Variants in SLC16A7 observed in about 807,000 individuals in gnomAD.
SLC16A7 encodes solute carrier family 16 member 7.
In SLC16A7, 33 loss-of-function variants were observed where a neutral mutation model predicts 34.9. That is an observed-to-expected ratio of 0.94 (90% CI 0.72 to 1.26). SLC16A7 has a LOEUF of 1.26. SLC16A7 is among the 50% of genes most tolerant of loss of function. The probability of loss-of-function intolerance (pLI) is 0.00; values close to 1 mark genes in which losing one functional copy is unlikely to be tolerated. For synonymous variants in SLC16A7, 201 were observed against 206.6 expected (o/e 0.97, Z 0.23); for missense variants, 573 against 578.1 (o/e 0.99, Z 0.09).
chr12:59,764,940 G>A (rs906307131), intron 3 of SLC16A7, among the ~76,000 whole-genome samples: 1 of 152,170 alleles, frequency 6.6e-6, no homozygotes, highest in Non-Finnish European at 1.5e-5. Flanking sequence ...CTAGTTTACA[G>A]TCCCACCAAC....
At position 59,596,909 on chromosome 12, in the gene SLC16A7, G is replaced by T. The variant is rs890653257; in HGVS notation, c.-130+673G>T. ...TATATGCGGGCGAGGCCTGAGCCCAGGCAGAAAGGGACCTCTGACTTGGCA... is the reference window on the plus strand; with the variant it reads ...TATATGCGGGCGAGGCCTGAGCCCATGCAGAAAGGGACCTCTGACTTGGCA... On this transcript the variant is annotated intron_variant, in intron 1 of 5. Coordinates refer to ENST00000547379, the MANE Select transcript of SLC16A7 (RefSeq NM_001270623.2). The surrounding 1 kb of genome is among the most constrained non-coding windows in gnomAD (Gnocchi z 5.0). The T allele has an allele frequency of 6.6e-6, 1 of 152,376 alleles. No homozygotes were observed. The highest frequency in any genetic ancestry group is 2.4e-5 in the African/African-American group (1 of 41,466). 9.4% of individuals were successfully genotyped at this position (152,376 alleles called of 1,614,324 possible).
At chr12:59,604,464 C>T (rs751897456) in intron 1 of SLC16A7, among the ~76,000 whole-genome samples, 1 of 152,140 alleles carries the variant, frequency 6.6e-6, no homozygotes, top group Non-Finnish European at 1.5e-5. Flanking sequence ...AGTAAAACAA[C>T]AAACATGTCT....
At chr12:59,758,558 T>C (rs566469843) in intron 3 of SLC16A7, among the ~76,000 whole-genome samples, 195 of 151,988 alleles carry the variant, frequency 1.3e-3, no homozygotes, top group African/African-American at 4.3e-3. Flanking sequence ...AATATTGATG[T>C]AAAAAAATAA....
rs113532305 is a variant in SLC16A7, at chr12:59,683,067, G to GA, written c.-30-21695dup. Among the ~76,000 whole-genome samples, 53 of 148,880 alleles carry GA rather than the reference G, an allele frequency of 3.6e-4. 1 individual carries two copies. The East Asian group carries it at 3.7e-3, about 10-fold the overall frequency. ...GGCAACAAGAGTGAAACTCTGTCTT[G>GA]AAAAAAAAAATTGCATATTGACATA... On this transcript the variant is annotated intron_variant, in intron 2 of 5. Coordinates refer to ENST00000547379, the MANE Select transcript of SLC16A7 (RefSeq NM_001270623.2).
chr12:59,614,707 G>T (rs117556700), intron 1 of SLC16A7, among the ~76,000 whole-genome samples: 3,030 of 150,904 alleles, frequency 0.02, 57 homozygotes, highest in Non-Finnish European at 0.034. Flanking sequence ...GGATCCAGCC[G>T]GGCATGGTGG....
chr12:59,631,908 ATTTGTGTGTATGTTTG>A (rs1880200976), intron 1 of SLC16A7, among the ~76,000 whole-genome samples: 1 of 151,818 alleles, frequency 6.6e-6, no homozygotes, highest in South Asian at 2.1e-4. Flanking sequence ...GTGTGTGTGT[ATTTGTGTGTATGTTTG>A]TTTGTGTGTG....
chr12:59,732,036 T>C (rs1382413267), intron 3 of SLC16A7, among the ~76,000 whole-genome samples: 1 of 151,970 alleles, frequency 6.6e-6, no homozygotes, highest in Non-Finnish European at 1.5e-5. Context: ...AAGGTCTTTA[T>C]ACAATGAAAA....
chr12:59,758,207 C>A (rs1224050595), intron 3 of SLC16A7, among the ~76,000 whole-genome samples: 1 of 151,986 alleles, frequency 6.6e-6, no homozygotes, highest in Non-Finnish European at 1.5e-5. Context: ...CTTTACTGTA[C>A]ACTTAAAAAT....
In SLC16A7 at chr12:59,720,790, A is replaced by G. The variant is rs140219553; in HGVS notation, c.217+15772A>G. Among the ~76,000 whole-genome samples, 10 of 152,214 alleles carry G rather than the reference A, an allele frequency of 6.6e-5. No homozygotes were observed. In the East Asian group the frequency reaches 1.7e-3, roughly 26 times the overall value. ...CGCATTGTTTTCTAGTACTGCAACT[A>G]TAATAATCCTTTAACTCCATCAGTA... is the stretch of plus-strand genomic sequence containing the variant. On this transcript the variant is annotated intron_variant, in intron 3 of 5. Transcript: ENST00000547379.
chr12:59,611,505 A>T (rs1408287521), intron 1 of SLC16A7, among the ~76,000 whole-genome samples: 1 of 152,098 alleles, frequency 6.6e-6, no homozygotes, highest in Non-Finnish European at 1.5e-5. Flanking sequence ...ACACAGACAA[A>T]CCATATCATT....
intron 1 of SLC16A7, among the ~76,000 whole-genome samples, chr12:59,651,715 G>C (rs1297751445): frequency 6.6e-6 from 1 of 152,098 alleles, no homozygotes; most frequent in Middle Eastern, 3.2e-3. Context: ...CTTCAACCTT[G>C]AGTTAGTCAG....
intron 3 of SLC16A7, among the ~76,000 whole-genome samples, chr12:59,709,163 G>A (rs561342950): frequency 1.3e-5 from 2 of 151,666 alleles, no homozygotes; most frequent in Non-Finnish European, 2.9e-5. Flanking sequence ...ACAGTTACTG[G>A]CGACAGATTT....
At chr12:59,681,683 A>T (rs910033148) in intron 2 of SLC16A7, among the ~76,000 whole-genome samples, 1 of 152,196 alleles carries the variant, frequency 6.6e-6, no homozygotes, top group African/African-American at 2.4e-5. Flanking sequence ...TTCAAGTTTA[A>T]ATGTTACTGA....
intron 1 of SLC16A7, among the ~76,000 whole-genome samples, chr12:59,605,245 T>G (rs1161000107): frequency 6.6e-6 from 1 of 151,988 alleles, no homozygotes; most frequent in Non-Finnish European, 1.5e-5. Context: ...TTTGAAGGAG[T>G]TACCTGGAAC....
intron 2 of SLC16A7, among the ~76,000 whole-genome samples, chr12:59,695,289 G>T (rs1453925957): frequency 6.6e-6 from 1 of 151,786 alleles, no homozygotes; most frequent in Non-Finnish European, 1.5e-5. Flanking sequence ...AAATATAAAG[G>T]TTTTCTACCT....
chr12:59,774,981 C>A lies in SLC16A7; in HGVS notation c.686C>A (p.Thr229Asn). 1 of 1,613,832 alleles carries A rather than the reference C, an allele frequency of 6.2e-7. No individual in the cohort carries two copies. Among genetic ancestry groups the A allele is most frequent in the Non-Finnish European group, 8.5e-7 (1 of 1,179,892 alleles). The part of the protein sequence containing the change: ...SPKKIKTKKS[T>N]WEKVNKYLDF... Reference sequence around the variant, plus strand: ...AAGAAAATCAAAACGAAGAAATCAACTTGGGAAAAAGTTAATAAGTATTTA... The same window carrying A: ...AAGAAAATCAAAACGAAGAAATCAAATTGGGAAAAAGTTAATAAGTATTTA... Residue 229 changes from threonine (T) to asparagine (N), a missense_variant, in exon 5 of 6, where the codon ACT becomes AAT. By Grantham distance (65) the Thr-to-Asn change is moderately conservative. Transcript: ENST00000547379.
intron 2 of SLC16A7, 78 bp downstream of exon 2, chr12:59,655,328 C>CT (rs1221549018): frequency 1.3e-5 from 2 of 151,816 alleles, no homozygotes; most frequent in Non-Finnish European, 2.9e-5. Context: ...ATTGGTAAAT[C>CT]TTAATGTGAA....
At chr12:59,734,088 C>A in intron 3 of SLC16A7, 1 of 246,682 alleles carries the variant, frequency 4.1e-6, no homozygotes, top group Non-Finnish European at 8.3e-6. Context: ...AGGCCTCAGG[C>A]TGTCTCTGGA....
At chr12:59,614,527 A>G (rs1489906224) in intron 1 of SLC16A7, among the ~76,000 whole-genome samples, 2 of 152,094 alleles carry the variant, frequency 1.3e-5, no homozygotes, top group South Asian at 2.1e-4. Context: ...TTGAAAAATT[A>G]TATATTCTTT....
Sources: allele counts gnomAD v4.1 joint callset (sites outside exome capture counted in the v4.1 genomes callset), GRCh38; gene constraint gnomAD v4.1.1; non-coding constraint Gnocchi (gnomAD v3.1); transcripts MANE v1.5; gene names NCBI Gene and HGNC (gene_info 2026-07-23, HGNC 2026-07-21).